POLN: variants seen among roughly 807,000 people sequenced by gnomAD.
POLN encodes DNA polymerase N.
Under a neutral mutation model 113.5 loss-of-function variants are expected in POLN, and 108 were observed. The observed-to-expected ratio is 0.95, with a 90% CI of 0.81 to 1.12. The LOEUF (loss-of-function observed/expected upper bound fraction) is 1.12, where lower values mean the gene tolerates loss of function less well. Ranked by LOEUF, POLN falls within the 50% of genes most tolerant of loss-of-function variation. The probability of loss-of-function intolerance (pLI) is 0.00; values close to 1 mark genes in which losing one functional copy is unlikely to be tolerated. For synonymous variants in POLN, 386 were observed against 391.5 expected (o/e 0.99, Z 0.17); for missense variants, 1,097 against 1,077.1 (o/e 1.02, Z -0.26).
At chr4:2,124,464 G>C (rs1224548969) in intron 19 of POLN, among the ~76,000 whole-genome samples, 4 of 152,052 alleles carry the variant, frequency 2.6e-5, no homozygotes, top group Non-Finnish European at 5.9e-5. Flanking sequence ...TTTTTGTAGA[G>C]ATGGGAGTCT....
At chr4:2,108,873 G>A (rs528033796) in intron 19 of POLN, among the ~76,000 whole-genome samples, 3 of 152,160 alleles carry the variant, frequency 2.0e-5, no homozygotes, top group Non-Finnish European at 4.4e-5. Flanking sequence ...AAATCGCTAT[G>A]GTCCTCAGGC....
chr4:2,168,426 A>G (rs1026679017), intron 13 of POLN, among the ~76,000 whole-genome samples: 1 of 152,272 alleles, frequency 6.6e-6, no homozygotes, highest in African/African-American at 2.4e-5. Flanking sequence ...ATCTTTTCAC[A>G]TGCATGAATG....
At chr4:2,216,955 A>T (rs1398315811) in intron 3 of POLN, among the ~76,000 whole-genome samples, 17 of 152,224 alleles carry the variant, frequency 1.1e-4, no homozygotes, top group Admixed American at 1.1e-3. Flanking sequence ...CCAGTGTGCC[A>T]GCATGGGCGC....
At chr4:2,222,694 C>A (rs568600359) in intron 3 of POLN, among the ~76,000 whole-genome samples, 1 of 144,638 alleles carries the variant, frequency 6.9e-6, no homozygotes, top group Admixed American at 6.8e-5. Context: ...TCACCCACGG[C>A]CTTTTTTTTT....
chr4:2,083,711 C>T (rs1387164158), intron 21 of POLN, among the ~76,000 whole-genome samples: 2 of 152,246 alleles, frequency 1.3e-5, no homozygotes, highest in Non-Finnish European at 2.9e-5. Context: ...CAGCACACCA[C>T]ACACAGAGAA....
intron 3 of POLN, among the ~76,000 whole-genome samples, chr4:2,223,626 T>C (rs556311091): frequency 3.7e-4 from 56 of 152,222 alleles, no homozygotes; most frequent in African/African-American, 1.3e-3. Context: ...CTTACTACAC[T>C]CCTAAGCTGT....
At chr4:2,083,667 C>T (rs1320988453) in intron 21 of POLN, among the ~76,000 whole-genome samples, 1 of 152,246 alleles carries the variant, frequency 6.6e-6, no homozygotes, top group East Asian at 1.9e-4. Flanking sequence ...GGCACCAATG[C>T]TCCTGGAAGC....
At chr4:2,114,560 A>G (rs1453551651) in intron 19 of POLN, among the ~76,000 whole-genome samples, 1 of 152,208 alleles carries the variant, frequency 6.6e-6, no homozygotes, top group Non-Finnish European at 1.5e-5. Flanking sequence ...AAGTTATTCC[A>G]TCATCTTCTG....
At chr4:2,170,838 A>T (rs546516487) in intron 12 of POLN, 64 bp from the exon 13 acceptor site, 1 of 1,425,692 alleles carries the variant, frequency 7.0e-7, no homozygotes, top group African/African-American at 1.4e-5. Context: ...GAACATTACT[A>T]TAGCAGAGCC....
At chr4:2,135,415 A>G (rs1262998503) in intron 16 of POLN, among the ~76,000 whole-genome samples, 2 of 152,198 alleles carry the variant, frequency 1.3e-5, no homozygotes, top group African/African-American at 4.8e-5. Context: ...CTGTGCGCCA[A>G]CCAGATCTGT....
At chr4:2,085,863 G>A in intron 20 of POLN, 119 bp from the exon 21 acceptor site, 1 of 1,392,562 alleles carries the variant, frequency 7.2e-7, no homozygotes, top group Non-Finnish European at 9.8e-7. Flanking sequence ...TTGGGATGGA[G>A]TTGGCGTTGA....
rs1730531103 is a variant in POLN at position 2,085,653 on chromosome 4, C to G, written c.2157G>C (p.Lys719Asn). 4 of 1,614,128 alleles carry G rather than the reference C, an allele frequency of 2.5e-6. No homozygotes were observed. Among genetic ancestry groups the G allele is most frequent in the Non-Finnish European group, 3.4e-6 (4 of 1,180,038 alleles). ...GGGCAATAGCTGCTCGGGCGAAGTC[C>G]TTGATTTTCTTGTACTTCTGCAAAA... Reference protein sequence around the residue: ...ESFLQKYKKIKDFARAAIAQC... With the variant: ...ESFLQKYKKINDFARAAIAQC... The change falls in exon 21 of 26, where the codon AAG (lysine) becomes AAC (asparagine). Residue 719 changes from lysine (K) to asparagine (N), a missense_variant. Lys to Asn is a moderately conservative substitution (Grantham distance 94). Coordinates refer to ENST00000511885, the MANE Select transcript of POLN (RefSeq NM_181808.4).
intron 6 of POLN, among the ~76,000 whole-genome samples, chr4:2,193,544 C>T (rs551258795): frequency 6.6e-6 from 1 of 152,146 alleles, no homozygotes; most frequent in Non-Finnish European, 1.5e-5. Flanking sequence ...CTGTCAAGTG[C>T]TTATCCCTGG....
intron 2 of POLN, chr4:2,236,117 T>C (rs1734754796): frequency 4.8e-6 from 3 of 624,886 alleles, no homozygotes; most frequent in Non-Finnish European, 8.3e-6. Context: ...TACTTTATAT[T>C]AAGGCAATGA....
chr4:2,170,546 C>T (rs972644342), intron 13 of POLN, 133 bp downstream of exon 13: 20 of 694,920 alleles, frequency 2.9e-5, no homozygotes, highest in Middle Eastern at 2.8e-4. Context: ...GTGTGGGGAG[C>T]CCCTCTTCTG....
rs190514665 is a variant in POLN, at chr4:2,175,344, T to C, written c.1249-593A>G. Among the ~76,000 whole-genome samples the C allele has an allele frequency of 1.3e-4, 20 of 152,340 alleles. No homozygotes were observed. In the East Asian group the frequency reaches 3.7e-3, roughly 28 times the overall value. ...GAAAAAAAGAAATAAAAAGAAATTC[T>C]GATAGGCCAAGCCCCATCCTCAATT... On this transcript the variant is annotated intron_variant, in intron 9 of 25. Coordinates refer to ENST00000511885, the MANE Select transcript of POLN (RefSeq NM_181808.4).
chr4:2,138,838 G>A (rs1163449257), intron 16 of POLN, among the ~76,000 whole-genome samples: 1 of 151,938 alleles, frequency 6.6e-6, no homozygotes, highest in Non-Finnish European at 1.5e-5. Context: ...AGGTTACAGT[G>A]AGCCAAGAAT....
chr4:2,097,664 G>A (rs200924372), intron 19 of POLN, among the ~76,000 whole-genome samples: 1 of 152,088 alleles, frequency 6.6e-6, no homozygotes, highest in Non-Finnish European at 1.5e-5. Flanking sequence ...CCATTTTTAA[G>A]TTTTTTCTTA....
At chr4:2,239,993 T>C (rs2108780804) in intron 2 of POLN, 1 of 1,457,318 alleles carries the variant, frequency 6.9e-7, no homozygotes, top group African/African-American at 1.4e-5. Context: ...CCTCTATTCC[T>C]AACAATAATT....
Sources: gnomAD v4.1 joint callset for allele counts (sites outside exome capture counted in the v4.1 genomes callset) on GRCh38, gnomAD v4.1.1 for gene constraint, MANE v1.5 for transcripts, NCBI Gene and HGNC (gene_info 2026-07-23, HGNC 2026-07-21) for gene names.